Variants in CADM1 observed in about 807,000 individuals in gnomAD.
CADM1 encodes cell adhesion molecule 1, also known as TSLC-1.
In CADM1, 15 loss-of-function variants were observed where a neutral mutation model predicts 53.1. That is an observed-to-expected ratio of 0.28 (90% confidence interval 0.19 to 0.44). CADM1 has a LOEUF of 0.44. CADM1 is among the 20% of genes least tolerant of loss of function. CADM1 has a pLI of 1.00. For synonymous variants in CADM1, 281 were observed against 243.0 expected (o/e 1.16, Z -1.45); for missense variants, 434 against 611.3 (o/e 0.71, Z 3.06).
At chr11:115,190,724 T>A in intron 10 of CADM1, 164 bp downstream of exon 10, 2 of 562,082 alleles carry the variant, frequency 3.6e-6, no homozygotes, top group East Asian at 2.9e-5. Flanking sequence ...AGAAAACAGG[T>A]GAGTGGGTGA....
chr11:115,390,922 A>G lies in CADM1; in HGVS notation c.124+113349T>C, dbSNP rs199696777. Among the ~76,000 whole-genome samples, 6 of 152,370 alleles carry G rather than the reference A, an allele frequency of 3.9e-5. No homozygotes were observed. In the East Asian group the frequency reaches 1.2e-3, roughly 29 times the overall value. On this transcript the variant is annotated intron_variant, in intron 1 of 11. Coordinates refer to ENST00000331581, the MANE Select transcript of CADM1 (RefSeq NM_001301043.2). ...TTTGCCAAGTTGATATGTATGAAAA[A>G]GTCAAACACTTCATTTAAAACTTAT...
chr11:115,217,961 T>G lies in CADM1; in HGVS notation c.752A>C (p.Tyr251Ser), dbSNP rs201292141. 2.8e-4 allele frequency: 445 copies of G among 1,613,488 alleles called. 3 individuals are homozygous for G. The highest frequency in any genetic ancestry group is 2.1e-3 in the Middle Eastern group (13 of 6,056). ...YKPQVHIQMT[Y>S]PLQGLTREGD... ...TTCCCGGGTTAAGCCTTGTAGAGGA[T>G]AAGTCATCTGAATGTGCACTTGAGG... Residue 251 changes from tyrosine (Y) to serine (S), a missense_variant, in exon 6 of 12, where the codon TAT (tyrosine) becomes TCT (serine). Around this residue, in one of 4 missense-constraint regions of CADM1, gnomAD observed 311 missense variants for 435.1 expected, o/e 0.71. Coordinates refer to ENST00000331581, the MANE Select transcript of CADM1 (RefSeq NM_001301043.2).
intron 10 of CADM1, among the ~76,000 whole-genome samples, chr11:115,186,870 G>A (rs1384754484): frequency 6.6e-6 from 1 of 152,150 alleles, no homozygotes; most frequent in Non-Finnish European, 1.5e-5. Context: ...TTTTGGGTCT[G>A]TCTCCCTCAG....
chr11:115,411,128 TTAA>T (rs1221642032), intron 1 of CADM1, among the ~76,000 whole-genome samples: 1 of 152,198 alleles, frequency 6.6e-6, no homozygotes, highest in Admixed American at 6.6e-5. Context: ...ATCACATATA[TTAA>T]TAACACCCAG....
chr11:115,346,413 T>C (rs766569495), intron 1 of CADM1, among the ~76,000 whole-genome samples: 9 of 152,168 alleles, frequency 5.9e-5, no homozygotes, highest in Non-Finnish European at 8.8e-5. Context: ...TTGTTGTTTC[T>C]ATAGAGATGG....
chr11:115,358,729 C>T (rs1027610818), intron 1 of CADM1, among the ~76,000 whole-genome samples: 4 of 152,110 alleles, frequency 2.6e-5, no homozygotes, highest in Non-Finnish European at 5.9e-5. Context: ...ACAAGATCAC[C>T]TAATCTAGTC....
intron 1 of CADM1, among the ~76,000 whole-genome samples, chr11:115,299,335 T>G (rs1357816730): frequency 1.3e-5 from 2 of 152,158 alleles, no homozygotes; most frequent in Non-Finnish European, 2.9e-5. Flanking sequence ...AGATGGGATA[T>G]TCTCAAAAAT....
chr11:115,233,952 A>G (rs572077541), intron 3 of CADM1, among the ~76,000 whole-genome samples: 29 of 152,346 alleles, frequency 1.9e-4, no homozygotes, highest in African/African-American at 6.0e-4. Flanking sequence ...CTTTATCTGT[A>G]TAACTTTGGG....
At chr11:115,198,462 G>C (rs1591596709) in intron 8 of CADM1, 24 bp from the exon 9 acceptor site, 2 of 1,592,820 alleles carry the variant, frequency 1.3e-6, no homozygotes, top group Non-Finnish European at 1.7e-6. Flanking sequence ...CAGAGGATTG[G>C]AGGAAGGGAA....
At chr11:115,484,317 C>T (rs1252227584) in intron 1 of CADM1, among the ~76,000 whole-genome samples, 1 of 152,126 alleles carries the variant, frequency 6.6e-6, no homozygotes, top group Non-Finnish European at 1.5e-5. Flanking sequence ...ATTAAGCTGA[C>T]CTAGATTCTT....
intron 1 of CADM1, among the ~76,000 whole-genome samples, chr11:115,482,518 T>C (rs537180977): frequency 2.7e-4 from 41 of 152,348 alleles, no homozygotes; most frequent in African/African-American, 8.9e-4. Flanking sequence ...ATTTTAACTC[T>C]TAAACAGTAC....
intron 1 of CADM1, among the ~76,000 whole-genome samples, chr11:115,349,451 G>A (rs1036894594): frequency 1.1e-4 from 17 of 152,226 alleles, no homozygotes; most frequent in African/African-American, 3.9e-4. Context: ...GTTTGGGGGC[G>A]TAAACAGTAG....
chr11:115,358,162 T>C (rs1177049839), intron 1 of CADM1, among the ~76,000 whole-genome samples: 1 of 152,106 alleles, frequency 6.6e-6, no homozygotes, highest in Admixed American at 6.6e-5. Flanking sequence ...ATCCTTCCTA[T>C]AGCAGCACCA....
chr11:115,421,716 A>G (rs1238573254), intron 1 of CADM1, among the ~76,000 whole-genome samples: 1 of 152,214 alleles, frequency 6.6e-6, no homozygotes, highest in Non-Finnish European at 1.5e-5. Flanking sequence ...AAAATATGTC[A>G]TCAGCAGCAT....
At chr11:115,202,865 TTC>T (rs1203694888) in intron 8 of CADM1, among the ~76,000 whole-genome samples, 4 of 150,854 alleles carry the variant, frequency 2.7e-5, no homozygotes, top group Non-Finnish European at 5.9e-5. Context: ...TTTTTTTTTC[TTC>T]TCTTTCATGT....
chr11:115,391,854 C>T (rs1326367161), intron 1 of CADM1, among the ~76,000 whole-genome samples: 1 of 152,178 alleles, frequency 6.6e-6, no homozygotes, highest in Non-Finnish European at 1.5e-5. Context: ...GGAAGATCAA[C>T]TTACAGACCC....
At chr11:115,283,378 A>G (rs1398192494) in intron 1 of CADM1, among the ~76,000 whole-genome samples, 1 of 152,168 alleles carries the variant, frequency 6.6e-6, no homozygotes, top group African/African-American at 2.4e-5. Flanking sequence ...AATCAGCTGG[A>G]GTTCACTGCC....
intron 1 of CADM1, 83 bp from the exon 2 acceptor site, chr11:115,240,503 G>A: frequency 1.4e-6 from 2 of 1,423,782 alleles, no homozygotes; most frequent in South Asian, 1.2e-5. Flanking sequence ...GTGGGAACTA[G>A]GCATATTAGA....
At chr11:115,236,296 C>T (rs528430254) in intron 3 of CADM1, among the ~76,000 whole-genome samples, 5 of 152,012 alleles carry the variant, frequency 3.3e-5, no homozygotes, top group African/African-American at 2.4e-5. Flanking sequence ...TTGGAATATA[C>T]GAGTATCAGT....
Sources: gnomAD v4.1 joint callset for allele counts (sites outside exome capture counted in the v4.1 genomes callset) on GRCh38, gnomAD v4.1.1 for gene constraint, gnomAD v4.1.1 regional missense constraint, MANE v1.5 for transcripts, NCBI Gene and HGNC (gene_info 2026-07-23, HGNC 2026-07-21) for gene names.